The following MPRIP variants were observed in gnomAD, a reference collection of about 807,000 sequenced individuals.
MPRIP encodes myosin phosphatase Rho-interacting protein.
MPRIP carries 59 observed loss-of-function variants against 234.9 expected under a neutral mutation model. That is an observed-to-expected ratio of 0.25 (90% CI 0.20 to 0.31). MPRIP has a LOEUF of 0.31. Among genes scored for constraint, MPRIP ranks in the 10% least tolerant of loss-of-function variants. MPRIP has a pLI of 1.00. For missense variants in MPRIP, 2,436 were observed against 3,071.0 expected (o/e 0.79, Z 4.89); for synonymous variants, 1,144 against 1,263.9 (o/e 0.91, Z 2.01).
At chr17:17,087,434 C>A (rs1487354609) in intron 3 of MPRIP, among the ~76,000 whole-genome samples, 1 of 152,152 alleles carries the variant, frequency 6.6e-6, no homozygotes, top group African/African-American at 2.4e-5. Flanking sequence ...ATGGCTGAGC[C>A]CTGTAGAGGG....
At chr17:17,176,596 C>T (rs2046259843) in intron 21 of MPRIP, 84 bp downstream of exon 21, 9 of 1,070,938 alleles carry the variant, frequency 8.4e-6, no homozygotes, top group South Asian at 5.1e-5. Flanking sequence ...TGGTGCTCAG[C>T]GCGGGCTCTT....
chr17:17,104,769 C>T (rs574938281), intron 3 of MPRIP, among the ~76,000 whole-genome samples: 109 of 152,338 alleles, frequency 7.2e-4, no homozygotes, highest in East Asian at 3.9e-4. Flanking sequence ...GGAGCACCCA[C>T]GCTTCCAGTC....
At chr17:17,083,302 C>T (rs925772715) in intron 3 of MPRIP, among the ~76,000 whole-genome samples, 3 of 152,198 alleles carry the variant, frequency 2.0e-5, no homozygotes, top group African/African-American at 7.2e-5. Flanking sequence ...ATTTGGGGTG[C>T]CTGTGTACTT....
chr17:17,046,595 A>G lies in MPRIP; in HGVS notation c.123+3624A>G, dbSNP rs79733611. On this transcript the variant is annotated intron_variant, in intron 1 of 23. Coordinates refer to ENST00000651222, the MANE Select transcript of MPRIP (RefSeq NM_001364716.4). ...CATGAAGTTGAGCCTTTTTTATAGT[A>G]TTTACTGAGTATTTTTGTTTCTTTT... Among the ~76,000 whole-genome samples the G allele has an allele frequency of 4.9e-3, 739 of 152,088 alleles. 39 individuals carry two copies. The East Asian group carries it at 0.12, about 25-fold the overall frequency.
In MPRIP at chr17:17,166,947, C is replaced by A; in HGVS notation, c.5356C>A (p.Leu1786Met). Reference sequence around the variant, plus strand: ...TATTCAGGAGGAGCTTGCCCAGCAGCTGAAGGAGAAGGCCAGCCTCTTAGA... The same window carrying A: ...TATTCAGGAGGAGCTTGCCCAGCAGATGAAGGAGAAGGCCAGCCTCTTAGA... ...VAIQEELAQQ[L>M]KEKASLLEEI... The change falls in exon 16 of 24, where the codon CTG becomes ATG. Residue 1786 changes from leucine (L) to methionine (M), a missense_variant. By Grantham distance (15) the Leu-to-Met change is conservative. Coordinates refer to ENST00000651222, the MANE Select transcript of MPRIP (RefSeq NM_001364716.4). The surrounding 1 kb of genome is among the most constrained non-coding windows in gnomAD (Gnocchi z 4.4). The A allele has an allele frequency of 7.7e-7, 1 of 1,304,244 alleles. No individual in the cohort carries two copies. Among genetic ancestry groups the A allele is most frequent in the Non-Finnish European group, 1.0e-6 (1 of 988,964 alleles). 80.8% of individuals were successfully genotyped at this position (1,304,244 alleles called of 1,614,324 possible).
At chr17:17,155,235 G>A (rs1208768836) in intron 13 of MPRIP, among the ~76,000 whole-genome samples, 4 of 151,940 alleles carry the variant, frequency 2.6e-5, no homozygotes, top group Non-Finnish European at 5.9e-5. Context: ...GTCCATGGAA[G>A]CTTTGACCTA....
intron 8 of MPRIP, 89 bp downstream of exon 8, chr17:17,142,854 C>T (rs917281191): frequency 7.0e-7 from 1 of 1,432,974 alleles, no homozygotes; most frequent in Non-Finnish European, 9.5e-7. Context: ...CCACACAGGC[C>T]TGGGATGTGC....
At chr17:17,160,365 A>C (rs2045836225) in intron 14 of MPRIP, among the ~76,000 whole-genome samples, 1 of 151,994 alleles carries the variant, frequency 6.6e-6, no homozygotes, top group African/African-American at 2.4e-5. Flanking sequence ...AGTCCATCTC[A>C]AAAAAAATAA....
rs149399765 is a variant in MPRIP, at chr17:17,126,757, A to G, written c.323A>G (p.Asp108Gly). The change falls in exon 4 of 24, where the codon GAT (aspartate) becomes GGT (glycine). Residue 108 changes from aspartate (D) to glycine (G), a missense_variant. By Grantham distance (94) the Asp-to-Gly change is moderately conservative. This residue lies in a region of MPRIP where 140 missense variants were observed against 207.3 expected (regional missense o/e 0.68). Coordinates refer to ENST00000651222, the MANE Select transcript of MPRIP (RefSeq NM_001364716.4). ...INMNQCTDVV[D>G]GEGRTGQKFS... ...ATGAACCAGTGCACAGATGTGGTGG[A>G]TGGGGAGGGCCGCACGGGCCAGAAG... is the stretch of plus-strand genomic sequence containing the variant. 1.9e-6 allele frequency: 3 copies of G among 1,614,012 alleles called. No individual in the cohort carries two copies. The highest frequency in any genetic ancestry group is 2.2e-5 in the South Asian group (2 of 91,078).
intron 9 of MPRIP, 96 bp downstream of exon 9, chr17:17,143,765 G>T: frequency 5.4e-6 from 4 of 738,916 alleles, no homozygotes; most frequent in Non-Finnish European, 8.4e-6. Context: ...CATGCCAGCT[G>T]TCCCTCTGTG....
At chr17:17,089,695 G>T (rs2089671449) in intron 3 of MPRIP, among the ~76,000 whole-genome samples, 1 of 152,136 alleles carries the variant, frequency 6.6e-6, no homozygotes, top group African/African-American at 2.4e-5. Context: ...GTAGGCGTGA[G>T]AAACGGGGAA....
At chr17:17,065,915 T>G (rs2089010685) in intron 1 of MPRIP, among the ~76,000 whole-genome samples, 1 of 152,220 alleles carries the variant, frequency 6.6e-6, no homozygotes, top group South Asian at 2.1e-4. Context: ...GAAGCAATTT[T>G]AAGTGGTATT....
chr17:17,069,624 A>G (rs766462932), intron 1 of MPRIP, among the ~76,000 whole-genome samples: 1 of 152,006 alleles, frequency 6.6e-6, no homozygotes. Flanking sequence ...GTGACTTTAT[A>G]TAGACATAAC....
chr17:17,112,025 T>C lies in MPRIP; in HGVS notation c.268-14677T>C, dbSNP rs369999003. ...CGTCGGCACCCCACAGAGCAGGTGT[T>C]GGGTAAATATTAATATTTACGAGGT... On this transcript the variant is annotated intron_variant, in intron 3 of 23. Coordinates refer to ENST00000651222, the MANE Select transcript of MPRIP (RefSeq NM_001364716.4). Among the ~76,000 whole-genome samples, 6 of 152,274 alleles carry C rather than the reference T, an allele frequency of 3.9e-5. No individual in the cohort carries two copies. The East Asian group carries it at 1.2e-3, about 29-fold the overall frequency.
intron 4 of MPRIP, among the ~76,000 whole-genome samples, chr17:17,130,672 C>T (rs2090579981): frequency 6.6e-6 from 1 of 152,122 alleles, no homozygotes; most frequent in African/African-American, 2.4e-5. Context: ...TCTGAGGCTC[C>T]TTCCACTCTG....
At chr17:17,075,892 C>T in intron 2 of MPRIP, 105 bp downstream of exon 2, 1 of 1,136,582 alleles carries the variant, frequency 8.8e-7, no homozygotes, top group Non-Finnish European at 1.3e-6. Context: ...ACAGTGGATC[C>T]TGGGATAGCA....
rs1357910634 is a variant in MPRIP, at chr17:17,174,011, A to G, written c.6686A>G (p.Glu2229Gly). Residue 2229 changes from glutamate to glycine, a missense_variant, in exon 19 of 24, where the codon GAG becomes GGG. By Grantham distance (98) the Glu-to-Gly change is moderately conservative. Transcript: ENST00000651222. ...LENAHLAQAL[E>G]AERQALRQCQ... ...AATGCCCATCTGGCCCAGGCGCTGG[A>G]GGCCGAGCGGCAGGCCCTGCGGCAG... 1.2e-6 allele frequency: 2 copies of G among 1,613,538 alleles called. No homozygotes were observed. The highest frequency in any genetic ancestry group is 1.7e-6 in the Non-Finnish European group (2 of 1,180,042).
At chr17:17,131,239 G>A (rs1056853117) in intron 4 of MPRIP, among the ~76,000 whole-genome samples, 1 of 152,192 alleles carries the variant, frequency 6.6e-6, no homozygotes, top group Non-Finnish European at 1.5e-5. Flanking sequence ...TGGCCTCAGG[G>A]CCAGCACCTG....
intron 23 of MPRIP, chr17:17,180,790 G>A (rs2046357936): frequency 3.6e-6 from 4 of 1,096,736 alleles, no homozygotes; most frequent in Admixed American, 3.7e-5. Context: ...TCCAAGTGAG[G>A]TTTCTTTAAC....
Sources: gnomAD v4.1 joint callset for allele counts (sites outside exome capture counted in the v4.1 genomes callset) on GRCh38, gnomAD v4.1.1 for gene constraint, gnomAD v4.1.1 regional missense constraint, Gnocchi (gnomAD v3.1) non-coding constraint, MANE v1.5 for transcripts, NCBI Gene and HGNC (gene_info 2026-07-23, HGNC 2026-07-21) for gene names.